Variants in AUTS2 observed in about 807,000 individuals in gnomAD.
AUTS2 encodes autism susceptibility gene 2 protein.
AUTS2 carries 17 observed loss-of-function variants against 112.4 expected under a neutral mutation model. The ratio of observed to expected loss-of-function variants is 0.15; its 90% confidence interval spans 0.10 to 0.23. The LOEUF is 0.23. Among genes scored for constraint, AUTS2 ranks in the 10% least tolerant of loss-of-function variants. AUTS2 has a pLI of 1.00. For synonymous variants in AUTS2, 751 were observed against 702.7 expected (o/e 1.07, Z -1.09); for missense variants, 1,510 against 1,701.6 (o/e 0.89, Z 1.98).
intron 5 of AUTS2, among the ~76,000 whole-genome samples, chr7:70,526,539 G>A (rs1384007437): frequency 2.0e-5 from 3 of 152,166 alleles, no homozygotes; most frequent in Non-Finnish European, 4.4e-5. Flanking sequence ...AGGCGTGGTG[G>A]CACATGCCTG....
At chr7:70,582,139 C>T (rs186039222) in intron 5 of AUTS2, among the ~76,000 whole-genome samples, 201 of 150,212 alleles carry the variant, frequency 1.3e-3, no homozygotes, top group Admixed American at 2.1e-3. Flanking sequence ...TTGCTCTTAT[C>T]GAAGAAAGGA....
chr7:69,997,686 C>T lies in AUTS2; in HGVS notation c.522+98188C>T, dbSNP rs540361454. ...GGCTCTTTTAAACAACCAGCTCTCA[C>T]GTGTGAACTCACAGAGGGATAACTC... On this transcript the variant is annotated intron_variant, in intron 2 of 18. Coordinates refer to ENST00000342771, the MANE Select transcript of AUTS2 (RefSeq NM_015570.4). Among the ~76,000 whole-genome samples the T allele has an allele frequency of 2.9e-4, 44 of 152,182 alleles. No homozygotes were observed. In the South Asian group the frequency reaches 7.7e-3, roughly 27 times the overall value.
rs901805150 is a variant in AUTS2 at position 70,033,015 on chromosome 7, A to C, written c.523-85117A>C. Reference sequence around the variant, plus strand: ...GAGATGGAAAGTTGGAAAGTAGATTAGTAGTTGTCTAGGGGTGAAACATGA... The same window carrying C: ...GAGATGGAAAGTTGGAAAGTAGATTCGTAGTTGTCTAGGGGTGAAACATGA... On this transcript the variant is annotated intron_variant, in intron 2 of 18. Transcript: ENST00000342771. Among the ~76,000 whole-genome samples, 10 of 152,324 alleles carry C rather than the reference A, an allele frequency of 6.6e-5. No individual in the cohort carries two copies. In the South Asian group the frequency reaches 1.4e-3, roughly 22 times the overall value.
chr7:69,673,152 T>A (rs879320479), intron 1 of AUTS2, among the ~76,000 whole-genome samples: 34 of 152,230 alleles, frequency 2.2e-4, no homozygotes, highest in Non-Finnish European at 3.2e-4. Context: ...CTTAAAAAAA[T>A]TTTTTTTGGA....
intron 3 of AUTS2, among the ~76,000 whole-genome samples, chr7:70,124,270 A>G (rs1003492464): frequency 2.0e-5 from 3 of 152,134 alleles, no homozygotes; most frequent in Admixed American, 2.0e-4. Flanking sequence ...TGTCAGATGC[A>G]TAGTTTGCAA....
At chr7:70,303,912 A>G (rs1468942136) in intron 4 of AUTS2, among the ~76,000 whole-genome samples, 2 of 152,224 alleles carry the variant, frequency 1.3e-5, no homozygotes, top group Admixed American at 6.5e-5. Flanking sequence ...GGAAGCATCA[A>G]TGGCTTCTTT....
intron 6 of AUTS2, among the ~76,000 whole-genome samples, chr7:70,714,491 G>A (rs1439066498): frequency 6.6e-6 from 1 of 152,134 alleles, no homozygotes; most frequent in Non-Finnish European, 1.5e-5. Context: ...TGTCATCTGA[G>A]GAATATACCC....
intron 4 of AUTS2, among the ~76,000 whole-genome samples, chr7:70,346,849 G>A (rs761009899): frequency 7.2e-5 from 11 of 152,098 alleles, no homozygotes; most frequent in South Asian, 2.1e-4. Context: ...TTCCCCTCAC[G>A]TGAAACAACA....
chr7:70,573,354 G>A (rs572535642), intron 5 of AUTS2, among the ~76,000 whole-genome samples: 4 of 152,266 alleles, frequency 2.6e-5, no homozygotes, highest in East Asian at 1.9e-4. Context: ...CCTCTATTTA[G>A]GCCCACTCAA....
intron 4 of AUTS2, among the ~76,000 whole-genome samples, chr7:70,362,722 G>C (rs1792330109): frequency 6.6e-6 from 1 of 151,732 alleles, no homozygotes; most frequent in South Asian, 2.1e-4. Context: ...TTTAAAGGAA[G>C]AGAAATATCA....
At chr7:70,641,914 C>T (rs1805852382) in intron 5 of AUTS2, among the ~76,000 whole-genome samples, 2 of 152,210 alleles carry the variant, frequency 1.3e-5, no homozygotes, top group South Asian at 4.1e-4. Context: ...ACCGAATATT[C>T]TATAGTGCAC....
At chr7:70,137,578 A>G (rs1428865072) in intron 4 of AUTS2, among the ~76,000 whole-genome samples, 1 of 151,982 alleles carries the variant, frequency 6.6e-6, no homozygotes, top group South Asian at 2.1e-4. Context: ...TGCATAGTGT[A>G]TAATTAAGAA....
chr7:70,365,278 A>G (rs1318072817), intron 4 of AUTS2, among the ~76,000 whole-genome samples: 1 of 152,178 alleles, frequency 6.6e-6, no homozygotes, highest in Non-Finnish European at 1.5e-5. Context: ...CCGTTAGGTC[A>G]TAGCATTTAG....
At chr7:70,072,600 A>G (rs1802827643) in intron 2 of AUTS2, among the ~76,000 whole-genome samples, 1 of 152,158 alleles carries the variant, frequency 6.6e-6, no homozygotes, top group Non-Finnish European at 1.5e-5. Context: ...AGTAGAGAGG[A>G]TTCTATCTTT....
At chr7:70,339,660 T>G (rs1364711847) in intron 4 of AUTS2, among the ~76,000 whole-genome samples, 1 of 152,212 alleles carries the variant, frequency 6.6e-6, no homozygotes, top group Non-Finnish European at 1.5e-5. Context: ...GATCCAAGAT[T>G]TTCTTCATGG....
At chr7:70,637,482 T>C (rs1015627570) in intron 5 of AUTS2, among the ~76,000 whole-genome samples, 4 of 152,122 alleles carry the variant, frequency 2.6e-5, no homozygotes, top group Admixed American at 2.6e-4. Context: ...ATTAGATTTG[T>C]GAATTAAGAA....
chr7:70,428,070 A>G (rs886162320), intron 4 of AUTS2, among the ~76,000 whole-genome samples: 1 of 152,222 alleles, frequency 6.6e-6, no homozygotes, highest in African/African-American at 2.4e-5. Context: ...GAGCTATTTT[A>G]TTTGATCAGG....
intron 6 of AUTS2, among the ~76,000 whole-genome samples, chr7:70,701,551 T>C (rs576026094): frequency 9.7e-4 from 148 of 152,322 alleles, no homozygotes; most frequent in African/African-American, 3.5e-3. Flanking sequence ...ATAGATGCCA[T>C]CCAGTTTCAT....
At chr7:70,466,182 A>T (rs182163245) in intron 5 of AUTS2, among the ~76,000 whole-genome samples, 1 of 152,224 alleles carries the variant, frequency 6.6e-6, no homozygotes, top group Non-Finnish European at 1.5e-5. Flanking sequence ...AGAGTCCTTC[A>T]TGTTGAAGAA....
Sources: gnomAD v4.1 joint callset for allele counts (sites outside exome capture counted in the v4.1 genomes callset) on GRCh38, gnomAD v4.1.1 for gene constraint, MANE v1.5 for transcripts, NCBI Gene and HGNC (gene_info 2026-07-23, HGNC 2026-07-21) for gene names.